HSPA4: variants seen among roughly 807,000 people sequenced by gnomAD.
HSPA4 encodes heat shock 70 kDa protein 4.
In HSPA4, 25 loss-of-function variants were observed where a neutral mutation model predicts 106.2. The ratio of observed to expected loss-of-function variants is 0.24; its 90% CI spans 0.17 to 0.33. The LOEUF (loss-of-function observed/expected upper bound fraction) is 0.33, where lower values mean the gene tolerates loss of function less well. Ranked by LOEUF, HSPA4 falls within the 10% of genes least tolerant of loss-of-function variation. The probability of loss-of-function intolerance (pLI) is 1.00; values close to 1 mark genes in which losing one functional copy is unlikely to be tolerated. For missense variants in HSPA4, 841 were observed against 996.0 expected (o/e 0.84, Z 2.10); for synonymous variants, 332 against 333.6 (o/e 1.00, Z 0.05).
In HSPA4 at chr5:133,092,775, T is replaced by C. The variant is rs1765661612; in HGVS notation, c.1636T>C (p.Ser546Pro). The change falls in exon 13 of 19, where the codon TCT (serine) becomes CCT (proline). Residue 546 changes from serine to proline, a missense_variant. By Grantham distance (74) the Ser-to-Pro change is moderately conservative. Around this residue, in one of 5 missense-constraint regions of HSPA4, gnomAD observed 328 missense variants for 372.2 expected, o/e 0.88. Coordinates refer to ENST00000304858, the MANE Select transcript of HSPA4 (RefSeq NM_002154.4). Reference protein sequence around the residue: ...QQTPAENKAESEEMETSQAGS... With the variant: ...QQTPAENKAEPEEMETSQAGS... ...GACACCAGCAGAAAATAAGGCAGAGTCTGAAGAAATGGAGGTATGCATTGG... is the reference window on the plus strand; with the variant it reads ...GACACCAGCAGAAAATAAGGCAGAGCCTGAAGAAATGGAGGTATGCATTGG... 1 of 1,561,134 alleles carries C rather than the reference T, an allele frequency of 6.4e-7. No individual in the cohort carries two copies. Among genetic ancestry groups the C allele is most frequent in the East Asian group, 2.2e-5 (1 of 44,462 alleles).
chr5:133,061,449 T>A (rs1009462631), intron 1 of HSPA4, among the ~76,000 whole-genome samples: 10 of 151,718 alleles, frequency 6.6e-5, no homozygotes, highest in African/African-American at 2.2e-4. Context: ...GTTCATGACT[T>A]CTTCCAACCC....
intron 7 of HSPA4, among the ~76,000 whole-genome samples, chr5:133,083,082 C>T (rs1055911452): frequency 6.6e-6 from 1 of 150,950 alleles, no homozygotes; most frequent in African/African-American, 2.4e-5. Context: ...CTGCAGTGAG[C>T]CGAGATACTG....
At chr5:133,066,482 A>G (rs1303332211) in intron 2 of HSPA4, among the ~76,000 whole-genome samples, 1 of 152,224 alleles carries the variant, frequency 6.6e-6, no homozygotes, top group African/African-American at 2.4e-5. Flanking sequence ...CTGTTCAACC[A>G]TTATCCAAAA....
Position 133,097,258 on chromosome 5 carries a change from G to C in HSPA4, c.1901G>C (p.Gly634Ala). 6.2e-7 allele frequency: 1 copy of C among 1,613,018 alleles called. No homozygotes were observed. Among genetic ancestry groups the C allele is most frequent in the Non-Finnish European group, 8.5e-7 (1 of 1,179,198 alleles). Residue 634 changes from glycine (G) to alanine (A), a missense_variant, in exon 15 of 19, where the codon GGT (glycine) becomes GCT (alanine). Gly to Ala is a moderately conservative substitution (Grantham distance 60, BLOSUM62 0). Transcript: ENST00000304858. ...YVYEMRDKLS[G>A]EYEKFVSEDD... ...TATGAAATGAGAGACAAGCTTAGTG[G>C]TGAATATGAGAAGTTTGTGAGTGAA...
chr5:133,081,410 T>C (rs938108787), intron 7 of HSPA4, among the ~76,000 whole-genome samples: 5 of 152,226 alleles, frequency 3.3e-5, no homozygotes, highest in African/African-American at 4.8e-5. Context: ...CTTTTGTGTT[T>C]ACTGTGTTGT....
rs1323348428 is a variant in HSPA4, at chr5:133,105,899, G to A, written c.*1463G>A. 4 of 151,964 alleles carry A rather than the reference G, an allele frequency of 2.6e-5. No homozygotes were observed. The highest frequency in any genetic ancestry group is 4.4e-5 in the Non-Finnish European group (3 of 68,016). The allele number at this position is 151,964 out of a possible 1,614,324, so 9.4% of individuals were successfully genotyped here. On this transcript the variant is annotated 3_prime_UTR_variant, in exon 19 of 19. Coordinates refer to ENST00000304858, the MANE Select transcript of HSPA4 (RefSeq NM_002154.4). Reference sequence around the variant, plus strand: ...GGGGAAAGTATACTTATGTTGGTGTGTAAGCATGCATGGAGGCCTCGAGGC... The same window carrying A: ...GGGGAAAGTATACTTATGTTGGTGTATAAGCATGCATGGAGGCCTCGAGGC...
At chr5:133,056,414 C>T (rs969675025) in intron 1 of HSPA4, among the ~76,000 whole-genome samples, 4 of 152,090 alleles carry the variant, frequency 2.6e-5, no homozygotes, top group South Asian at 2.1e-4. Flanking sequence ...TGCATTGTTG[C>T]GGTCATGTGC....
chr5:133,059,612 C>CT (rs1765213063), intron 1 of HSPA4, among the ~76,000 whole-genome samples: 1 of 152,076 alleles, frequency 6.6e-6, no homozygotes, highest in East Asian at 1.9e-4. Flanking sequence ...GAGACCCTGT[C>CT]TCAAAACCAG....
chr5:133,079,193 AT>A (rs1765485215), intron 7 of HSPA4, among the ~76,000 whole-genome samples: 1 of 152,216 alleles, frequency 6.6e-6, no homozygotes, highest in South Asian at 2.1e-4. Context: ...ATTCACTGGA[AT>A]TTAGTAAATT....
Position 133,092,795 on chromosome 5 carries a change from C to T in HSPA4, c.1650+6C>T. On this transcript the variant is annotated splice_donor_region_variant and intron_variant, in intron 13 of 18. Transcript: ENST00000304858. Reference sequence around the variant, plus strand: ...CAGAGTCTGAAGAAATGGAGGTATGCATTGGGTGGTGTTTTTTTTTTTTTT... The same window carrying T: ...CAGAGTCTGAAGAAATGGAGGTATGTATTGGGTGGTGTTTTTTTTTTTTTT... 2 of 869,170 alleles carry T rather than the reference C, an allele frequency of 2.3e-6. No individual in the cohort carries two copies. The highest frequency in any genetic ancestry group is 3.6e-6 in the Non-Finnish European group (2 of 555,308). The allele number at this position is 869,170 out of a possible 1,614,324, so 53.8% of individuals were successfully genotyped here.
chr5:133,080,387 A>T (rs1195958396), intron 7 of HSPA4, among the ~76,000 whole-genome samples: 2 of 138,106 alleles, frequency 1.4e-5, no homozygotes, highest in African/African-American at 5.6e-5. Context: ...ATTGCACTCC[A>T]GCCAGGGTGA....
At chr5:133,052,406 C>G (rs749365702) in intron 1 of HSPA4, 49 bp downstream of exon 1, 3 of 1,230,014 alleles carry the variant, frequency 2.4e-6, no homozygotes, top group Non-Finnish European at 3.4e-6. Context: ...GGAGATAATG[C>G]TTGTTCCAGT....
intron 17 of HSPA4, among the ~76,000 whole-genome samples, chr5:133,102,262 A>AT (rs1282812010): frequency 1.3e-5 from 2 of 151,908 alleles, no homozygotes; most frequent in Non-Finnish European, 2.9e-5. Flanking sequence ...TTTACATAGC[A>AT]TTTTTTTCTC....
At chr5:133,066,611 G>A (rs1453924163) in intron 2 of HSPA4, among the ~76,000 whole-genome samples, 3 of 151,196 alleles carry the variant, frequency 2.0e-5, no homozygotes, top group Non-Finnish European at 2.9e-5. Flanking sequence ...GTTTCTAGGC[G>A]TCTGCTACTA....
At chr5:133,071,434 T>G (rs1362794569) in intron 4 of HSPA4, among the ~76,000 whole-genome samples, 1 of 152,100 alleles carries the variant, frequency 6.6e-6, no homozygotes, top group Non-Finnish European at 1.5e-5. Flanking sequence ...GACAACAGAC[T>G]GAGACCCTGT....
At chr5:133,104,159 G>A (rs1414830960) in intron 18 of HSPA4, 74 bp from the exon 19 acceptor site, 4 of 1,492,986 alleles carry the variant, frequency 2.7e-6, no homozygotes, top group Non-Finnish European at 3.7e-6. Flanking sequence ...GGGAGAGGGC[G>A]GATTTGGGTT....
In HSPA4 at chr5:133,097,172, C is replaced by T. The variant is rs1765722829; in HGVS notation, c.1815C>T (p.Ile605=). The T allele has an allele frequency of 6.2e-7, 1 of 1,609,810 alleles. No homozygotes were observed. The highest frequency in any genetic ancestry group is 1.3e-5 in the African/African-American group (1 of 74,850). The change falls in exon 15 of 19, where the codon ATC becomes ATT. Residue 605 remains isoleucine (I), a synonymous_variant. Transcript: ENST00000304858. ...NLYIENEGKM[I]MQDKLEKERN... is the part of the protein sequence containing the mutation. The stretch of plus-strand genomic sequence containing the variant: ...ATATTTATTCTCAGGGTAAGATGAT[C>T]ATGCAGGATAAACTGGAGAAGGAGC...
chr5:133,065,495 C>G (rs1250590674), intron 2 of HSPA4, among the ~76,000 whole-genome samples: 1 of 152,150 alleles, frequency 6.6e-6, no homozygotes, highest in Admixed American at 6.5e-5. Context: ...CCTGCAGATA[C>G]CCAGGAACCA....
chr5:133,082,673 T>C (rs1214110061), intron 7 of HSPA4, among the ~76,000 whole-genome samples: 3 of 152,072 alleles, frequency 2.0e-5, no homozygotes, highest in Non-Finnish European at 1.5e-5. Flanking sequence ...GCCATATTGC[T>C]CAGGCTGGTC....
Sources: gnomAD v4.1 joint callset for allele counts (sites outside exome capture counted in the v4.1 genomes callset) on GRCh38, gnomAD v4.1.1 for gene constraint, gnomAD v4.1.1 regional missense constraint, MANE v1.5 for transcripts, NCBI Gene and HGNC (gene_info 2026-07-23, HGNC 2026-07-21) for gene names.